MREG: variants seen among roughly 807,000 people sequenced by gnomAD.
MREG encodes the protein dilute suppressor protein homolog.
A neutral mutation model predicts 28.5 loss-of-function variants in MREG; 31 were observed. The ratio of observed to expected loss-of-function variants is 1.09; its 90% CI spans 0.82 to 1.47. MREG has a LOEUF of 1.47. Ranked by LOEUF, MREG falls within the 40% of genes most tolerant of loss-of-function variation. The pLI, the probability that MREG is intolerant of heterozygous loss-of-function variation, is 0.00. For synonymous variants in MREG, 106 were observed against 95.2 expected, an observed-to-expected ratio of 1.11 and a Z score of -0.66; for missense variants, 256 against 257.4, an observed-to-expected ratio of 0.99 and a Z score of 0.04.
chr2:215,997,812 G>A (rs1420615330), intron 1 of MREG, among the ~76,000 whole-genome samples: 1 of 152,156 alleles, frequency 6.6e-6, no homozygotes, highest in African/African-American at 2.4e-5. Context: ...ATCTTCAAAG[G>A]CCTGGGGTGG....
intron 2 of MREG, among the ~76,000 whole-genome samples, chr2:215,975,994 TGG>T (rs1313382805): frequency 1.3e-5 from 2 of 150,662 alleles, no homozygotes; most frequent in African/African-American, 4.9e-5. Context: ...GGGCGTGGTA[TGG>T]GGGAGCTGGG....
At chr2:215,949,038 A>T (rs1692394941) in intron 2 of MREG, among the ~76,000 whole-genome samples, 1 of 108,088 alleles carries the variant, frequency 9.3e-6, no homozygotes, top group African/African-American at 3.7e-5. Flanking sequence ...CCCTGTCTCT[A>T]CTACTACTAC....
intron 1 of MREG, among the ~76,000 whole-genome samples, chr2:216,005,444 CTTTTTTTTTT>C (rs58288878): frequency 2.3e-5 from 2 of 86,306 alleles, no homozygotes; most frequent in African/African-American, 3.4e-5. Context: ...TCTAGTTATT[CTTTTTTTTTT>C]TTTTTTTTTT....
chr2:215,989,696 C>G (rs866597708), intron 2 of MREG, among the ~76,000 whole-genome samples: 4 of 151,712 alleles, frequency 2.6e-5, no homozygotes, highest in Non-Finnish European at 5.9e-5. Context: ...TAGAGAAGAA[C>G]GTAAATGACC....
At chr2:215,999,495 A>T (rs972028321) in intron 1 of MREG, among the ~76,000 whole-genome samples, 1 of 152,240 alleles carries the variant, frequency 6.6e-6, no homozygotes, top group Non-Finnish European at 1.5e-5. Context: ...AAAGAAGCCC[A>T]TGAACCAACC....
intron 2 of MREG, among the ~76,000 whole-genome samples, chr2:215,974,973 G>C (rs563016458): frequency 8.7e-6 from 1 of 115,388 alleles, no homozygotes; most frequent in African/African-American, 3.0e-5. Context: ...AAATGTGTTA[G>C]GAAATAACAG....
intron 2 of MREG, among the ~76,000 whole-genome samples, chr2:215,987,143 T>C (rs1252105003): frequency 6.6e-6 from 1 of 152,020 alleles, no homozygotes; most frequent in South Asian, 2.1e-4. Flanking sequence ...TGGAAATATG[T>C]CCAAAATATA....
At chr2:215,987,469 A>ACTCTGGATC (rs1312148570) in intron 2 of MREG, among the ~76,000 whole-genome samples, 1 of 151,420 alleles carries the variant, frequency 6.6e-6, no homozygotes, top group Non-Finnish European at 1.5e-5. Flanking sequence ...CTAGTCTCAA[A>ACTCTGGATC]CTCTGGATCT....
chr2:216,016,247 G>A (rs528022515), upstream of MREG, among the ~76,000 whole-genome samples: 5 of 152,300 alleles, frequency 3.3e-5, no homozygotes, highest in African/African-American at 1.2e-4. Flanking sequence ...TGGAGGCTGA[G>A]TGTGGTTTTA....
intron 2 of MREG, among the ~76,000 whole-genome samples, chr2:215,972,488 CA>C (rs754659897): frequency 2.0e-5 from 3 of 151,798 alleles, no homozygotes; most frequent in Non-Finnish European, 4.4e-5. Flanking sequence ...ACTAGATGTA[CA>C]AAAACTAGCC....
intron 2 of MREG, among the ~76,000 whole-genome samples, chr2:215,983,973 G>A (rs949458551): frequency 1.3e-5 from 2 of 152,220 alleles, no homozygotes; most frequent in Non-Finnish European, 2.9e-5. Context: ...TGATCTGATA[G>A]TTAGTGTATT....
chr2:215,971,187 C>G (rs1051419405), intron 2 of MREG, among the ~76,000 whole-genome samples: 6 of 152,090 alleles, frequency 3.9e-5, no homozygotes, highest in African/African-American at 1.4e-4. Flanking sequence ...ATACCTAATG[C>G]ATGCAGGGCT....
At chr2:215,961,460 C>T (rs1692787693) in intron 2 of MREG, among the ~76,000 whole-genome samples, 1 of 152,138 alleles carries the variant, frequency 6.6e-6, no homozygotes, top group African/African-American at 2.4e-5. Flanking sequence ...GTGTCTTGCT[C>T]TGTCGCCCAG....
chr2:216,033,825 C>T (rs1227092212), upstream of MREG: 2 of 152,290 alleles, frequency 1.3e-5, no homozygotes, highest in African/African-American at 4.8e-5. Flanking sequence ...TGCTTGAAAG[C>T]TGAAACTAAC....
chr2:216,003,831 A>T (rs1378187379), intron 1 of MREG, among the ~76,000 whole-genome samples: 7 of 151,976 alleles, frequency 4.6e-5, no homozygotes, highest in Admixed American at 4.6e-4. Flanking sequence ...CACCTCTACC[A>T]CTACACCCTG....
At chr2:216,008,104 T>A (rs1009060257) in intron 1 of MREG, among the ~76,000 whole-genome samples, 7 of 152,008 alleles carry the variant, frequency 4.6e-5, no homozygotes, top group African/African-American at 1.7e-4. Context: ...CAGCTGTGCT[T>A]CATAGGGCTA....
chr2:215,950,028 C>T (rs1252945575), intron 2 of MREG, among the ~76,000 whole-genome samples: 2 of 152,058 alleles, frequency 1.3e-5, no homozygotes, highest in East Asian at 3.8e-4. Context: ...TGAAAATGAC[C>T]CTGCTTTCTG....
intron 2 of MREG, among the ~76,000 whole-genome samples, chr2:215,960,139 T>C (rs1692740954): frequency 2.6e-5 from 4 of 152,124 alleles, no homozygotes. Flanking sequence ...GTATTTTTAG[T>C]AGAGATGTGG....
chr2:216,023,355 C>T (rs1694552999), intron 1 of MREG, among the ~76,000 whole-genome samples: 1 of 152,198 alleles, frequency 6.6e-6, no homozygotes, highest in Non-Finnish European at 1.5e-5. Context: ...GCCACAATGC[C>T]TGTATGAACC....
Sources: gnomAD v4.1 joint callset for allele counts (sites outside exome capture counted in the v4.1 genomes callset) on GRCh38, gnomAD v4.1.1 for gene constraint, MANE v1.5 for transcripts, NCBI Gene and HGNC (gene_info 2026-07-23, HGNC 2026-07-21) for gene names.